MSH3: variants seen among roughly 807,000 people sequenced by gnomAD.
MSH3 encodes mutS homolog 3, also known as DNA mismatch repair protein Msh3.
MSH3 carries 106 observed loss-of-function variants against 123.3 expected under a neutral mutation model. That is an observed-to-expected ratio of 0.86 (90% CI 0.73 to 1.01). MSH3 has a LOEUF of 1.01. Ranked by LOEUF, MSH3 falls within the 50% of genes least tolerant of loss-of-function variation. The probability of loss-of-function intolerance (pLI) is 0.00; values close to 1 mark genes in which losing one functional copy is unlikely to be tolerated. For synonymous variants in MSH3, 515 were observed against 481.4 expected, an observed-to-expected ratio of 1.07 and a Z score of -0.91; for missense variants, 1,459 against 1,347.6, an observed-to-expected ratio of 1.08 and a Z score of -1.29.
chr5:80,719,760 T>G (rs562307528), intron 8 of MSH3, among the ~76,000 whole-genome samples: 1 of 152,352 alleles, frequency 6.6e-6, no homozygotes, highest in South Asian at 2.1e-4. Flanking sequence ...AGAGTCTTAG[T>G]TCTCCAAACA....
chr5:80,717,959 A>C (rs569250120), intron 8 of MSH3, among the ~76,000 whole-genome samples: 4 of 152,386 alleles, frequency 2.6e-5, no homozygotes, highest in Admixed American at 2.6e-4. Context: ...TAAAAGTTTC[A>C]GAAGTAATTT....
chr5:80,764,616 G>A (rs1390008575), intron 13 of MSH3, among the ~76,000 whole-genome samples: 1 of 151,616 alleles, frequency 6.6e-6, no homozygotes, highest in Non-Finnish European at 1.5e-5. Context: ...TCCCACCTTG[G>A]ACTCCCAGTG....
intron 8 of MSH3, among the ~76,000 whole-genome samples, chr5:80,694,108 T>A (rs1750415828): frequency 6.6e-6 from 1 of 152,198 alleles, no homozygotes; most frequent in African/African-American, 2.4e-5. Context: ...GCATTAGACA[T>A]CCTGGGAGGG....
intron 16 of MSH3, among the ~76,000 whole-genome samples, chr5:80,776,055 A>G (rs1376326033): frequency 1.3e-5 from 2 of 151,814 alleles, no homozygotes; most frequent in Admixed American, 1.3e-4. Flanking sequence ...ACCCCCGGCT[A>G]ATTTTTGTAT....
intron 21 of MSH3, among the ~76,000 whole-genome samples, chr5:80,863,985 G>A (rs1037376894): frequency 6.6e-6 from 1 of 152,174 alleles, no homozygotes; most frequent in African/African-American, 2.4e-5. Flanking sequence ...AAAGGGTGAA[G>A]GGGATACTCT....
rs532175825 is a variant in MSH3, at chr5:80,722,647, A to T, written c.1341-2806A>T. On this transcript the variant is annotated intron_variant, in intron 8 of 23. Transcript: ENST00000265081. ...AGAGAGGTATGTGTACGTATCTAAG[A>T]GTGAGCACAACCAAAGCTGTATAAA... 1.4e-4 allele frequency among the ~76,000 whole-genome samples: 22 copies of T among 152,366 alleles called. No individual in the cohort carries two copies. In the East Asian group the frequency reaches 4.0e-3, roughly 28 times the overall value.
chr5:80,873,017 A>G, intron 22 of MSH3, 99 bp from the exon 23 acceptor site: 1 of 1,059,706 alleles, frequency 9.4e-7, no homozygotes, highest in Non-Finnish European at 1.5e-6. Flanking sequence ...TTCAGATTGT[A>G]CGATTTAATA....
intron 13 of MSH3, 68 bp from the exon 14 acceptor site, chr5:80,767,865 A>G: frequency 1.6e-6 from 2 of 1,236,216 alleles, no homozygotes; most frequent in African/African-American, 1.5e-5. Context: ...CTAACTTTTA[A>G]AAGTCACTAA....
At chr5:80,776,930 T>TATATA (rs1451848777) in intron 16 of MSH3, among the ~76,000 whole-genome samples, 22 of 114,646 alleles carry the variant, frequency 1.9e-4, no homozygotes, top group Admixed American at 3.5e-4. Flanking sequence ...ATATATATAT[T>TATATA]TTTTTTTTTT....
chr5:80,692,458 A>AGAT (rs2112830362), intron 8 of MSH3, among the ~76,000 whole-genome samples: 4 of 49,034 alleles, frequency 8.2e-5, no homozygotes, highest in Admixed American at 2.2e-4. Flanking sequence ...TTAGATAGAT[A>AGAT]AACATGTATA....
At chr5:80,796,661 A>T (rs1433579837) in intron 19 of MSH3, among the ~76,000 whole-genome samples, 6 of 152,238 alleles carry the variant, frequency 3.9e-5, no homozygotes, top group Non-Finnish European at 7.3e-5. Flanking sequence ...ACATGTAACT[A>T]TAAGTATACT....
chr5:80,692,481 T>G (rs1580565436), intron 8 of MSH3, among the ~76,000 whole-genome samples: 2 of 72,632 alleles, frequency 2.8e-5, no homozygotes, highest in East Asian at 3.5e-4. Context: ...TTTAGATAGA[T>G]AAACATGTAT....
chr5:80,828,878 C>A (rs76892289), intron 20 of MSH3, among the ~76,000 whole-genome samples: 22 of 152,302 alleles, frequency 1.4e-4, no homozygotes, highest in African/African-American at 5.1e-4. Context: ...CTAGGCTTTC[C>A]TGGGCTCTCC....
At chr5:80,779,796 C>A (rs1242179378) in intron 17 of MSH3, among the ~76,000 whole-genome samples, 7 of 151,528 alleles carry the variant, frequency 4.6e-5, no homozygotes, top group Non-Finnish European at 1.0e-4. Flanking sequence ...AATCTCCTGA[C>A]CTTGTGATGC....
At chr5:80,817,186 G>T (rs32996) in intron 20 of MSH3, among the ~76,000 whole-genome samples, 3,726 of 152,314 alleles carry the variant, frequency 0.024, 69 homozygotes, top group Non-Finnish European at 0.042. Context: ...AGAAAAACAG[G>T]ACATTACAGT....
intron 13 of MSH3, among the ~76,000 whole-genome samples, chr5:80,763,723 T>C (rs1296292344): frequency 6.6e-6 from 1 of 152,222 alleles, no homozygotes. Context: ...GCAGCATCAG[T>C]TCATGGGGCT....
chr5:80,723,728 A>G (rs1751136067), intron 8 of MSH3, among the ~76,000 whole-genome samples: 1 of 151,784 alleles, frequency 6.6e-6, no homozygotes, highest in Non-Finnish European at 1.5e-5. Flanking sequence ...GCATGGTAAT[A>G]TACATCACAT....
In MSH3 at chr5:80,654,714, A is replaced by G. The variant is rs752396012; in HGVS notation, c.-14A>G. On this transcript the variant is annotated 5_prime_UTR_variant, in exon 1 of 24. Transcript: ENST00000265081. ...CGCCAGGCCCTGCCGCCGGGCTGCC[A>G]TCCTTGCCCTGCCATGTCTCGCCGG... 3.8e-6 allele frequency: 6 copies of G among 1,588,176 alleles called. No individual in the cohort carries two copies. In the South Asian group the frequency reaches 5.6e-5, roughly 15 times the overall value.
chr5:80,676,785 C>T (rs1408920870), intron 7 of MSH3, among the ~76,000 whole-genome samples: 2 of 152,152 alleles, frequency 1.3e-5, no homozygotes, highest in African/African-American at 4.8e-5. Context: ...TAAGCTTTAA[C>T]ATATGTAATG....
Sources: allele counts gnomAD v4.1 joint callset (sites outside exome capture counted in the v4.1 genomes callset), GRCh38; gene constraint gnomAD v4.1.1; transcripts MANE v1.5; gene names NCBI Gene and HGNC (gene_info 2026-07-23, HGNC 2026-07-21).